The following SVEP1 variants were observed in gnomAD, a reference collection of about 807,000 sequenced individuals.
SVEP1 encodes sushi, von Willebrand factor type A, EGF and pentraxin domain-containing protein 1.
In SVEP1, 164 loss-of-function variants were observed where a neutral mutation model predicts 367.3. The observed-to-expected ratio is 0.45, with a 90% confidence interval of 0.39 to 0.51. The LOEUF is 0.51. Among genes scored for constraint, SVEP1 ranks in the 20% least tolerant of loss-of-function variants. The pLI is 0.00. For synonymous variants in SVEP1, 1,666 were observed against 1,611.6 expected, an observed-to-expected ratio of 1.03 and a Z score of -0.81; for missense variants, 4,117 against 4,425.3, an observed-to-expected ratio of 0.93 and a Z score of 1.98.
chr9:110,546,279 C>T lies in SVEP1; in HGVS notation c.800G>A (p.Gly267Glu). The T allele has an allele frequency of 6.3e-7, 1 of 1,588,890 alleles. No individual in the cohort carries two copies. The highest frequency in any genetic ancestry group is 8.6e-7 in the Non-Finnish European group (1 of 1,167,136). ...RRALHEDLPS[G>E]SFIQDDMVHC... ...GACCATATCATCTTGAATAAAACTC[C>T]CAGAAGGTAGATCTACAAATAACAT... The change falls in exon 3 of 48, where the codon GGG (glycine) becomes GAG (glutamate). Residue 267 changes from glycine (G) to glutamate (E), a missense_variant. By Grantham distance (98) the Gly-to-Glu change is moderately conservative (BLOSUM62 -2). Coordinates refer to ENST00000374469, the MANE Select transcript of SVEP1 (RefSeq NM_153366.4).
intron 1 of SVEP1, among the ~76,000 whole-genome samples, chr9:110,559,768 A>G (rs1447609994): frequency 6.6e-6 from 1 of 152,222 alleles, no homozygotes; most frequent in Non-Finnish European, 1.5e-5. Flanking sequence ...TGTGTATCCC[A>G]GAATAATTTG....
chr9:110,382,741 T>G (rs1827456868), intron 43 of SVEP1, among the ~76,000 whole-genome samples: 1 of 152,230 alleles, frequency 6.6e-6, no homozygotes, highest in Non-Finnish European at 1.5e-5. Flanking sequence ...ATTTCATAGT[T>G]CTCAGAGGTT....
chr9:110,406,886 A>G lies in SVEP1; in HGVS notation c.8714T>C (p.Leu2905Pro), dbSNP rs1388724878. 1 of 1,613,870 alleles carries G rather than the reference A, an allele frequency of 6.2e-7. No individual in the cohort carries two copies. The highest frequency in any genetic ancestry group is 8.5e-7 in the Non-Finnish European group (1 of 1,179,886). ...PQLANGVTEG[L>P]DYGFMKEVTF... is the part of the protein sequence containing the mutation. ...TACTTCCTTCATGAAGCCATAGTCC[A>G]GGCCTTCCGTCACCCCATTGGCCAG... Residue 2905 changes from leucine to proline, a missense_variant, in exon 38 of 48, where the codon CTG (leucine) becomes CCG (proline). Transcript: ENST00000374469.
At chr9:110,423,068 T>TATGTAACTAA (rs1036852106) in intron 36 of SVEP1, among the ~76,000 whole-genome samples, 11 of 132,266 alleles carry the variant, frequency 8.3e-5, no homozygotes, top group African/African-American at 3.0e-4. Flanking sequence ...CATGTATACA[T>TATGTAACTAA]ATGTAACTAA....
At chr9:110,521,899 T>C (rs16915096) in intron 3 of SVEP1, among the ~76,000 whole-genome samples, 311 of 152,346 alleles carry the variant, frequency 2.0e-3, no homozygotes, top group African/African-American at 7.2e-3. Flanking sequence ...ACTCTTTTAA[T>C]GTTTGACACT....
intron 36 of SVEP1, among the ~76,000 whole-genome samples, chr9:110,413,821 A>C (rs1828079903): frequency 6.6e-6 from 1 of 152,024 alleles, no homozygotes; most frequent in African/African-American, 2.4e-5. Flanking sequence ...GGAGTTTTGA[A>C]AAAATCTCTA....
chr9:110,441,188 T>G (rs867366877), intron 27 of SVEP1, among the ~76,000 whole-genome samples: 1 of 152,370 alleles, frequency 6.6e-6, no homozygotes, highest in Middle Eastern at 3.4e-3. Flanking sequence ...GACCACGTTT[T>G]AAATTTATCA....
intron 1 of SVEP1, among the ~76,000 whole-genome samples, chr9:110,564,107 T>C (rs1379304774): frequency 6.6e-6 from 1 of 152,044 alleles, no homozygotes; most frequent in Non-Finnish European, 1.5e-5. Context: ...CTGCAAAAAA[T>C]ACGAGCTACG....
intron 6 of SVEP1, among the ~76,000 whole-genome samples, chr9:110,501,507 T>TGG (rs74983082): frequency 2.9e-4 from 44 of 151,182 alleles, no homozygotes; most frequent in East Asian, 7.7e-4. Flanking sequence ...TATTTTGTTG[T>TGG]GGGGGGGGCA....
chr9:110,533,455 A>G (rs1331504948), intron 3 of SVEP1, among the ~76,000 whole-genome samples: 1 of 152,202 alleles, frequency 6.6e-6, no homozygotes, highest in African/African-American at 2.4e-5. Context: ...TGGTATCAAT[A>G]ACTATACATG....
In SVEP1 at chr9:110,483,028, T is replaced by C. The variant is rs1829218886; in HGVS notation, c.2039-536A>G. ...AACAACTGATTTTCTCAAAGTCCTT[T>C]GAGATGTCCTACAAAGCAACTAGGC... On this transcript the variant is annotated intron_variant, in intron 10 of 47. Coordinates refer to ENST00000374469, the MANE Select transcript of SVEP1 (RefSeq NM_153366.4). Among the ~76,000 whole-genome samples the C allele has an allele frequency of 1.3e-5, 2 of 152,204 alleles. 1 individual carries two copies. Among genetic ancestry groups the C allele is most frequent in the South Asian group, 4.1e-4 (2 of 4,834 alleles).
intron 13 of SVEP1, among the ~76,000 whole-genome samples, chr9:110,479,194 A>T (rs1437836901): frequency 6.6e-6 from 1 of 152,136 alleles, no homozygotes; most frequent in Non-Finnish European, 1.5e-5. Context: ...CTGGGATTAC[A>T]GGCGTGAGCC....
intron 47 of SVEP1, among the ~76,000 whole-genome samples, chr9:110,368,084 AAAG>A (rs1827225234): frequency 6.6e-6 from 1 of 152,158 alleles, no homozygotes; most frequent in African/African-American, 2.4e-5. Context: ...CTTAAAAAAA[AAAG>A]AGAAATTCTG....
intron 37 of SVEP1, among the ~76,000 whole-genome samples, 172 bp from the exon 38 acceptor site, chr9:110,409,123 T>C (rs1339017671): frequency 1.3e-5 from 2 of 152,228 alleles, no homozygotes; most frequent in African/African-American, 4.8e-5. Flanking sequence ...TTTTTTTAAA[T>C]AAGTGAAAAT....
At chr9:110,396,002 C>A (rs977648726) in intron 40 of SVEP1, among the ~76,000 whole-genome samples, 38 of 152,104 alleles carry the variant, frequency 2.5e-4, no homozygotes, top group African/African-American at 8.7e-4. Context: ...ACCAAGCAGA[C>A]CTAATAGACA....
intron 33 of SVEP1, 86 bp downstream of exon 33, chr9:110,430,188 T>C: frequency 7.1e-7 from 1 of 1,398,856 alleles, no homozygotes; most frequent in Middle Eastern, 2.4e-4. Flanking sequence ...CAAAGAACAT[T>C]GATACAACAT....
intron 3 of SVEP1, among the ~76,000 whole-genome samples, chr9:110,542,456 A>G (rs1003060995): frequency 2.6e-5 from 4 of 152,340 alleles, no homozygotes; most frequent in Admixed American, 2.6e-4. Context: ...ACTATTCAGA[A>G]TGAAATTTAA....
At chr9:110,509,511 A>G (rs997786378) in intron 5 of SVEP1, among the ~76,000 whole-genome samples, 1 of 152,212 alleles carries the variant, frequency 6.6e-6, no homozygotes, top group South Asian at 2.1e-4. Flanking sequence ...CATAAAAGAG[A>G]ACAAGCATGC....
chr9:110,394,347 T>A (rs547731171), intron 40 of SVEP1, among the ~76,000 whole-genome samples: 1 of 152,082 alleles, frequency 6.6e-6, no homozygotes, highest in South Asian at 2.1e-4. Context: ...CAAAAACCCA[T>A]CTGTACGTCA....
Sources: gnomAD v4.1 joint callset for allele counts (sites outside exome capture counted in the v4.1 genomes callset) on GRCh38, gnomAD v4.1.1 for gene constraint, MANE v1.5 for transcripts, NCBI Gene and HGNC (gene_info 2026-07-23, HGNC 2026-07-21) for gene names.